The following CHRM3 variants were observed in gnomAD, a reference collection of about 807,000 sequenced individuals.
CHRM3 encodes the protein muscarinic acetylcholine receptor M3.
A neutral mutation model predicts 41.8 loss-of-function variants in CHRM3; 11 were observed. The observed-to-expected ratio is 0.26, with a 90% CI of 0.17 to 0.44. The LOEUF is 0.44. CHRM3 is among the 20% of genes least tolerant of loss of function. The probability of loss-of-function intolerance (pLI) is 1.00; values close to 1 mark genes in which losing one functional copy is unlikely to be tolerated. For missense variants in CHRM3, 571 were observed against 745.4 expected, an observed-to-expected ratio of 0.77 and a Z score of 2.72; for synonymous variants, 297 against 301.4, an observed-to-expected ratio of 0.99 and a Z score of 0.15.
intron 6 of CHRM3, among the ~76,000 whole-genome samples, chr1:239,880,843 A>G (rs1677526594): frequency 6.6e-6 from 1 of 152,174 alleles, no homozygotes; most frequent in African/African-American, 2.4e-5. Flanking sequence ...ACTAAAAGCA[A>G]GCGAGGCCAT....
chr1:239,830,500 G>A (rs1292316523), intron 6 of CHRM3, among the ~76,000 whole-genome samples: 1 of 152,056 alleles, frequency 6.6e-6, no homozygotes, highest in Admixed American at 6.6e-5. Context: ...TCAGGAGTTC[G>A]AGACCAGCCT....
intron 6 of CHRM3, among the ~76,000 whole-genome samples, chr1:239,832,693 A>G (rs1672992654): frequency 6.6e-6 from 1 of 152,120 alleles, no homozygotes; most frequent in South Asian, 2.1e-4. Flanking sequence ...CGTTCATCCT[A>G]GATCCAATAC....
Position 239,576,594 on chromosome 1 carries a change from GCACACACACACACA to G in CHRM3, c.-313+30860_-313+30873del, listed in dbSNP as rs3063538. 2.1e-5 allele frequency among the ~76,000 whole-genome samples: 3 copies of G among 141,682 alleles called. 1 individual carries two copies. Among genetic ancestry groups the G allele is most frequent in the South Asian group, 2.3e-4 (1 of 4,334 alleles). 92.9% of individuals were successfully genotyped at this position (141,682 alleles called of 152,430 possible). ...CATCTCTACACACACACACACACAC[GCACACACACACACA>G]CACACACACACACAACAAACAAACA... On this transcript the variant is annotated intron_variant, in intron 3 of 6. Coordinates refer to ENST00000676153, the MANE Select transcript of CHRM3 (RefSeq NM_001375978.1).
In CHRM3 at chr1:239,812,267, C is replaced by T. The variant is rs192598654; in HGVS notation, c.-146-14985C>T. On this transcript the variant is annotated intron_variant, in intron 5 of 6. Coordinates refer to ENST00000676153, the MANE Select transcript of CHRM3 (RefSeq NM_001375978.1). ...GTTGCCCAGGCTTGTCTCATACTCCCCAGCTCAAGTGATCCTCTGGCCTTG... is the reference window on the plus strand; with the variant it reads ...GTTGCCCAGGCTTGTCTCATACTCCTCAGCTCAAGTGATCCTCTGGCCTTG... 3.6e-3 allele frequency among the ~76,000 whole-genome samples: 553 copies of T among 152,262 alleles called. 3 individuals carry two copies. Among genetic ancestry groups the T allele is most frequent in the Non-Finnish European group, 6.0e-3 (408 of 68,030 alleles).
At chr1:239,673,413 C>CT (rs1657615406) in intron 4 of CHRM3, among the ~76,000 whole-genome samples, 1 of 152,144 alleles carries the variant, frequency 6.6e-6, no homozygotes, top group Non-Finnish European at 1.5e-5. Context: ...ATCATACTCT[C>CT]TAAGTGTCTC....
intron 6 of CHRM3, among the ~76,000 whole-genome samples, chr1:239,851,283 T>G (rs1166700944): frequency 1.3e-5 from 2 of 152,218 alleles, no homozygotes; most frequent in Non-Finnish European, 2.9e-5. Flanking sequence ...CAATTAGTTA[T>G]TTGAACTAGA....
intron 5 of CHRM3, among the ~76,000 whole-genome samples, chr1:239,790,662 C>T (rs1218541150): frequency 6.6e-6 from 1 of 152,174 alleles, no homozygotes; most frequent in Non-Finnish European, 1.5e-5. Context: ...TCAGTTTCCC[C>T]TGTCTAGCCT....
chr1:239,480,625 T>C (rs1186844159), intron 1 of CHRM3, among the ~76,000 whole-genome samples: 1 of 148,610 alleles, frequency 6.7e-6, no homozygotes, highest in Non-Finnish European at 1.5e-5. Flanking sequence ...GGCACGATCT[T>C]GGCTCACTGC....
chr1:239,434,753 A>AAG (rs1162269608), intron 1 of CHRM3, among the ~76,000 whole-genome samples: 1 of 152,156 alleles, frequency 6.6e-6, no homozygotes, highest in South Asian at 2.1e-4. Context: ...TTGGTGTTGA[A>AAG]AGAGAGAGAG....
chr1:239,600,667 C>T (rs1665405982), intron 3 of CHRM3, among the ~76,000 whole-genome samples: 1 of 151,674 alleles, frequency 6.6e-6, no homozygotes, highest in Non-Finnish European at 1.5e-5. Context: ...CTCCCTCCTT[C>T]CCTCTCTCCC....
intron 6 of CHRM3, among the ~76,000 whole-genome samples, chr1:239,900,573 T>C (rs972483246): frequency 6.6e-6 from 1 of 152,020 alleles, no homozygotes; most frequent in African/African-American, 2.4e-5. Flanking sequence ...CCTGGCCCTA[T>C]AGGGACATTG....
intron 2 of CHRM3, among the ~76,000 whole-genome samples, chr1:239,507,117 TTAA>T (rs1446261881): frequency 1.3e-5 from 2 of 152,052 alleles, no homozygotes; most frequent in African/African-American, 2.4e-5. Context: ...GACTTTTGAG[TTAA>T]TGATGAAATG....
rs779951293 is a variant in CHRM3, at chr1:239,908,742, C to T, written c.1291C>T (p.Leu431=). 1 of 1,613,694 alleles carries T rather than the reference C, an allele frequency of 6.2e-7. No homozygotes were observed. Among genetic ancestry groups the T allele is most frequent in the Non-Finnish European group, 8.5e-7 (1 of 1,179,906 alleles). The change falls in exon 7 of 7, where the codon CTA becomes TTA. Residue 431 remains leucine, a synonymous_variant. Transcript: ENST00000676153. The surrounding 1 kb of genome is among the most constrained non-coding windows in gnomAD (Gnocchi z 7.2). The part of the protein sequence containing the change: ...PKSFSKLPIQ[L]ESAVDTAKTS... ...AAGCTTCTCCAAGCTTCCCATCCAG[C>T]TAGAGTCAGCCGTGGACACAGCTAA...
intron 1 of CHRM3, among the ~76,000 whole-genome samples, chr1:239,452,450 G>A (rs1664623371): frequency 6.6e-6 from 1 of 152,156 alleles, no homozygotes; most frequent in South Asian, 2.1e-4. Context: ...AAAGGTGATT[G>A]CCAGTTTTTA....
chr1:239,396,702 A>G (rs1264071673), intron 1 of CHRM3, among the ~76,000 whole-genome samples: 7 of 152,228 alleles, frequency 4.6e-5, no homozygotes, highest in Non-Finnish European at 1.0e-4. Context: ...GGAAATATAT[A>G]TCAAAAGTAA....
intron 2 of CHRM3, among the ~76,000 whole-genome samples, chr1:239,500,005 C>A (rs1309952500): frequency 6.6e-6 from 1 of 152,158 alleles, no homozygotes; most frequent in Non-Finnish European, 1.5e-5. Context: ...TGAAACAAAT[C>A]CTGGAAACAT....
At chr1:239,754,825 C>T (rs1042957306) in intron 5 of CHRM3, among the ~76,000 whole-genome samples, 2 of 152,056 alleles carry the variant, frequency 1.3e-5, no homozygotes, top group African/African-American at 2.4e-5. Flanking sequence ...TCATGAGTTA[C>T]GGTCTAGTCC....
chr1:239,390,104 A>T (rs1658895108), intron 1 of CHRM3, among the ~76,000 whole-genome samples: 1 of 152,210 alleles, frequency 6.6e-6, no homozygotes, highest in South Asian at 2.1e-4. Flanking sequence ...TATGTTTGTG[A>T]ATTTAAAATG....
At chr1:239,714,566 CAGAA>C (rs1180727397) in intron 5 of CHRM3, among the ~76,000 whole-genome samples, 7 of 152,036 alleles carry the variant, frequency 4.6e-5, no homozygotes, top group South Asian at 2.1e-4. Context: ...GGGGAGGAGA[CAGAA>C]AGGACAGAAT....
Sources: allele counts gnomAD v4.1 joint callset (sites outside exome capture counted in the v4.1 genomes callset), GRCh38; gene constraint gnomAD v4.1.1; non-coding constraint Gnocchi (gnomAD v3.1); transcripts MANE v1.5; gene names NCBI Gene and HGNC (gene_info 2026-07-23, HGNC 2026-07-21).